AHI1: variants seen among roughly 807,000 people sequenced by gnomAD.
AHI1 encodes Abelson helper integration site 1, also known as jouberin.
Under a neutral mutation model 149.3 loss-of-function variants are expected in AHI1, and 123 were observed. The ratio of observed to expected loss-of-function variants is 0.82; its 90% CI spans 0.71 to 0.96. AHI1 has a LOEUF of 0.96. Ranked by LOEUF, AHI1 falls within the 40% of genes least tolerant of loss-of-function variation. AHI1 has a pLI of 0.00. For missense variants in AHI1, 1,439 were observed against 1,422.7 expected, an observed-to-expected ratio of 1.01 and a Z score of -0.18; for synonymous variants, 475 against 459.8, an observed-to-expected ratio of 1.03 and a Z score of -0.42.
At chr6:135,458,471 T>C (rs537541738) in intron 8 of AHI1, among the ~76,000 whole-genome samples, 1 of 152,264 alleles carries the variant, frequency 6.6e-6, no homozygotes, top group East Asian at 1.9e-4. Context: ...TCTCCCAGGC[T>C]TGTGGTGCTA....
rs17064383 is a variant in AHI1 at position 135,289,828 on chromosome 6, G to A, written c.3588+595C>T. ...TATAAATGTGGACATGAACAGCTTC[G>A]TAACATTTCACCTTGAACAGAAACT... On this transcript the variant is annotated intron_variant, in intron 28 of 28. Coordinates refer to ENST00000265602, the MANE Select transcript of AHI1 (RefSeq NM_001134831.2). Among the ~76,000 whole-genome samples the A allele has an allele frequency of 4.6e-3, 701 of 152,168 alleles. 6 individuals carry two copies. Among genetic ancestry groups the A allele is most frequent in the African/African-American group, 0.016 (669 of 41,524 alleles).
intron 24 of AHI1, among the ~76,000 whole-genome samples, chr6:135,357,330 A>G (rs1253390113): frequency 6.6e-6 from 1 of 152,238 alleles, no homozygotes. Flanking sequence ...ATGAACATTG[A>G]CATGACTTTC....
At position 135,433,212 on chromosome 6, in the gene AHI1, A is replaced by C. The variant is rs1179403052; in HGVS notation, c.2081T>G (p.Leu694Ter). 6.2e-7 allele frequency: 1 copy of C among 1,611,722 alleles called. No individual in the cohort carries two copies. Among genetic ancestry groups the C allele is most frequent in the Admixed American group, 1.7e-5 (1 of 60,014 alleles). The change falls in exon 16 of 29, where the codon TTA becomes TGA. Residue 694 changes from leucine (L) to a stop codon, truncating the protein, a stop_gained. Transcript: ENST00000265602. LOFTEE classifies it high-confidence loss of function. ...EINNTNTFRV[L>*]PHPSFVYTAK... ...CGTGTAAACAAAAGAAGGATGAGGT[A>C]AAACTCTGAAAGTATTTGTATTGTT...
At chr6:135,346,220 A>C (rs760696036) in intron 24 of AHI1, among the ~76,000 whole-genome samples, 3 of 152,058 alleles carry the variant, frequency 2.0e-5, no homozygotes, top group Non-Finnish European at 2.9e-5. Flanking sequence ...TTTGAGACGG[A>C]GTCTCACTTT....
At chr6:135,493,046 T>C (rs1037283937) in intron 3 of AHI1, 51 of 857,372 alleles carry the variant, frequency 5.9e-5, no homozygotes, top group Non-Finnish European at 7.1e-5. Flanking sequence ...TCTCCCTTTG[T>C]CGAGTGCAGT....
chr6:135,466,333 G>C lies in AHI1; in HGVS notation c.230C>G (p.Thr77Ser). The change falls in exon 7 of 29, where the codon ACT becomes AGT. Residue 77 changes from threonine (T) to serine (S), a missense_variant. Coordinates refer to ENST00000265602, the MANE Select transcript of AHI1 (RefSeq NM_001134831.2). ...AGCAGCACTTACATCATCACTTGTA[G>C]TTTCTTTAATATGGGGAAGATTGCT... ...IRSNLPHIKETTSDDVSAANT... is the reference protein window; with the variant it reads ...IRSNLPHIKESTSDDVSAANT... The C allele has an allele frequency of 6.2e-7, 1 of 1,613,848 alleles. No individual in the cohort carries two copies. Among genetic ancestry groups the C allele is most frequent in the South Asian group, 1.1e-5 (1 of 91,074 alleles).
intron 26 of AHI1, among the ~76,000 whole-genome samples, chr6:135,318,272 G>A (rs1786275066): frequency 6.6e-6 from 1 of 152,138 alleles, no homozygotes; most frequent in Admixed American, 6.6e-5. Flanking sequence ...GTTCTACTTT[G>A]GGTCCTTGTC....
chr6:135,490,727 T>C lies in AHI1; in HGVS notation c.31A>G (p.Lys11Glu). 1 of 1,612,884 alleles carries C rather than the reference T, an allele frequency of 6.2e-7. No homozygotes were observed. Among genetic ancestry groups the C allele is most frequent in the East Asian group, 2.2e-5 (1 of 44,808 alleles). MPTAESEAKV[K>E]TKVRFEELLK... Reference sequence around the variant, plus strand: ...AATTCTTCAAAGCGAACTTTGGTTTTTACTTTTGCTTCACTCTCAGCTACA... The same window carrying C: ...AATTCTTCAAAGCGAACTTTGGTTTCTACTTTTGCTTCACTCTCAGCTACA... Residue 11 changes from lysine (K) to glutamate (E), a missense_variant, in exon 5 of 29, where the codon AAA becomes GAA. Lys to Glu is a moderately conservative substitution (Grantham distance 56, BLOSUM62 1). Transcript: ENST00000265602.
intron 23 of AHI1, among the ~76,000 whole-genome samples, chr6:135,372,571 C>G (rs1392757799): frequency 1.3e-5 from 2 of 151,618 alleles, no homozygotes; most frequent in Non-Finnish European, 2.9e-5. Context: ...CATGTGTAGT[C>G]CAGCTACTTG....
At chr6:135,374,081 C>CATATATATATATATATATATAT (rs1180224509) in intron 23 of AHI1, among the ~76,000 whole-genome samples, 2 of 50,306 alleles carry the variant, frequency 4.0e-5, no homozygotes, top group African/African-American at 7.6e-5. Flanking sequence ...TTTATATATA[C>CATATATATATATATATATATAT]ATATATATAT....
intron 24 of AHI1, among the ~76,000 whole-genome samples, chr6:135,324,575 T>C (rs1350396935): frequency 6.7e-6 from 1 of 148,648 alleles, no homozygotes; most frequent in Non-Finnish European, 1.5e-5. Context: ...TATATATATT[T>C]ATAGCATGTC....
rs1315209179 is a variant in AHI1 at position 135,296,029 on chromosome 6, A to C, written c.3485+4471T>G. ...CACCATGTCCGGCTAATTTTTTTGTATTTTTAGTAGAGACAAAGTTTCACC... is the reference window on the plus strand; with the variant it reads ...CACCATGTCCGGCTAATTTTTTTGTCTTTTTAGTAGAGACAAAGTTTCACC... On this transcript the variant is annotated intron_variant, in intron 27 of 28. Coordinates refer to ENST00000265602, the MANE Select transcript of AHI1 (RefSeq NM_001134831.2). Among the ~76,000 whole-genome samples, 3 of 151,846 alleles carry C rather than the reference A, an allele frequency of 2.0e-5. No homozygotes were observed. In the East Asian group the frequency reaches 5.8e-4, roughly 29 times the overall value.
intron 26 of AHI1, among the ~76,000 whole-genome samples, chr6:135,303,004 G>A (rs183306573): frequency 3.4e-4 from 52 of 152,246 alleles, no homozygotes; most frequent in Admixed American, 2.7e-3. Flanking sequence ...GAGGAAAAAC[G>A]AGCAAAGAAA....
chr6:135,465,853 TTTTTCC>T lies in AHI1; in HGVS notation c.704_709del (p.Arg235_Lys236del). The T allele has an allele frequency of 6.7e-7, 1 of 1,486,342 alleles. No homozygotes were observed. Among genetic ancestry groups the T allele is most frequent in the Non-Finnish European group, 8.9e-7 (1 of 1,122,232 alleles). 92.1% of individuals were successfully genotyped at this position (1,486,342 alleles called of 1,614,324 possible). ...AGAGAAGACTGGAACTTCCTTTTTC[TTTTTCC>T]TTTTTTCACTGCTTAGTTTGTCATC... On this transcript the variant is annotated inframe_deletion, in exon 7 of 29. Transcript: ENST00000265602.
chr6:135,390,165 G>A (rs952850641), intron 23 of AHI1, among the ~76,000 whole-genome samples: 3 of 152,164 alleles, frequency 2.0e-5, no homozygotes, highest in Non-Finnish European at 2.9e-5. Context: ...AGATGGTTGA[G>A]TGTGATCTTG....
At chr6:135,369,940 A>C (rs546269678) in intron 23 of AHI1, among the ~76,000 whole-genome samples, 3 of 152,170 alleles carry the variant, frequency 2.0e-5, no homozygotes, top group Non-Finnish European at 2.9e-5. Flanking sequence ...ATGGTTCCTC[A>C]TAAGTTATTT....
At chr6:135,455,030 CT>C (rs1322368872) in intron 10 of AHI1, among the ~76,000 whole-genome samples, 1 of 152,154 alleles carries the variant, frequency 6.6e-6, no homozygotes, top group South Asian at 2.1e-4. Context: ...AGGGGGCTTT[CT>C]CTATTGTCCT....
intron 5 of AHI1, chr6:135,474,753 T>C (rs1792320831): frequency 6.6e-6 from 1 of 152,236 alleles, no homozygotes; most frequent in South Asian, 2.1e-4. Flanking sequence ...GAACTGACAG[T>C]ATATTCCTGA....
intron 25 of AHI1, among the ~76,000 whole-genome samples, chr6:135,322,448 A>C (rs1787007535): frequency 6.6e-6 from 1 of 151,132 alleles, no homozygotes; most frequent in African/African-American, 2.4e-5. Flanking sequence ...AGCTTTCAGA[A>C]ACTCATATTT....
Sources: allele counts gnomAD v4.1 joint callset (sites outside exome capture counted in the v4.1 genomes callset), GRCh38; gene constraint gnomAD v4.1.1; transcripts MANE v1.5; gene names NCBI Gene and HGNC (gene_info 2026-07-23, HGNC 2026-07-21).